Variants in STK35 observed in about 807,000 individuals in gnomAD.
STK35 encodes the protein serine/threonine-protein kinase 35.
Under a neutral mutation model 37.3 loss-of-function variants are expected in STK35, and 17 were observed. The observed-to-expected ratio is 0.46, with a 90% CI of 0.31 to 0.68. The LOEUF (loss-of-function observed/expected upper bound fraction) is 0.68, where lower values mean the gene tolerates loss of function less well. Ranked by LOEUF, STK35 falls within the 30% of genes least tolerant of loss-of-function variation. The probability of loss-of-function intolerance (pLI) is 0.05; values close to 1 mark genes in which losing one functional copy is unlikely to be tolerated. For missense variants in STK35, 595 were observed against 746.7 expected, an observed-to-expected ratio of 0.80 and a Z score of 2.37; for synonymous variants, 385 against 319.1, an observed-to-expected ratio of 1.21 and a Z score of -2.20.
intron 3 of STK35, among the ~76,000 whole-genome samples, chr20:2,143,145 C>T (rs760903881): frequency 2.0e-5 from 3 of 152,140 alleles, no homozygotes; most frequent in Admixed American, 6.5e-5. Context: ...CTCAGTTGCC[C>T]GTTCTGGCTC....
intron 3 of STK35, among the ~76,000 whole-genome samples, chr20:2,143,522 A>C (rs1389220603): frequency 2.0e-5 from 3 of 152,200 alleles, no homozygotes; most frequent in African/African-American, 7.2e-5. Flanking sequence ...TAGAGCCAGC[A>C]AGCTTGGGTT....
In STK35 at chr20:2,117,710, G is replaced by A. The variant is rs1052884836; in HGVS notation, c.*37+295G>A. 7.9e-5 allele frequency among the ~76,000 whole-genome samples: 12 copies of A among 152,296 alleles called. 1 individual carries two copies. In the East Asian group the frequency reaches 2.3e-3, roughly 29 times the overall value. ...TCTGCTGGTCTCAGCCTCCCAAAGT[G>A]CTGGGATTACAGTTGTGAGCCACCA... is the stretch of plus-strand genomic sequence containing the variant. On this transcript the variant is annotated intron_variant, in intron 3 of 3. Transcript: ENST00000381482. The surrounding 1 kb of genome is among the most constrained non-coding windows in gnomAD (Gnocchi z 4.4).
At chr20:2,126,838 A>G (rs974754825) in intron 3 of STK35, among the ~76,000 whole-genome samples, 1 of 152,250 alleles carries the variant, frequency 6.6e-6, no homozygotes, top group Non-Finnish European at 1.5e-5. Flanking sequence ...GGGGAAAGCT[A>G]TAACTCAGTT....
chr20:2,134,030 T>C (rs1007368641), intron 3 of STK35, among the ~76,000 whole-genome samples: 1 of 152,060 alleles, frequency 6.6e-6, no homozygotes, highest in African/African-American at 2.4e-5. Flanking sequence ...CTTGTATAAG[T>C]GGGGCGTGGA....
chr20:2,123,166 C>G (rs1179208277), intron 3 of STK35, among the ~76,000 whole-genome samples: 1 of 152,108 alleles, frequency 6.6e-6, no homozygotes, highest in Non-Finnish European at 1.5e-5. Flanking sequence ...CTTTTGAAGC[C>G]AAAGCCCTCG....
intron 3 of STK35, among the ~76,000 whole-genome samples, chr20:2,125,924 C>T (rs189462192): frequency 6.6e-6 from 1 of 152,346 alleles, no homozygotes; most frequent in East Asian, 1.9e-4. Context: ...TGTCATTAGG[C>T]CAGCGTCTGG....
intron 2 of STK35, among the ~76,000 whole-genome samples, chr20:2,107,166 A>G (rs1985531461): frequency 6.6e-6 from 1 of 152,212 alleles, no homozygotes; most frequent in Non-Finnish European, 1.5e-5. Context: ...GATTACTGCC[A>G]CTTAGACAGC....
chr20:2,141,322 A>T (rs1009257844), intron 3 of STK35, among the ~76,000 whole-genome samples: 1 of 152,218 alleles, frequency 6.6e-6, no homozygotes, highest in Non-Finnish European at 1.5e-5. Flanking sequence ...TTAACAGACC[A>T]AGGAACAGAA....
intron 2 of STK35, among the ~76,000 whole-genome samples, chr20:2,112,068 G>A (rs1158478915): frequency 6.6e-6 from 1 of 152,208 alleles, no homozygotes; most frequent in Non-Finnish European, 1.5e-5. Flanking sequence ...CCGCACCTCT[G>A]TCTCAAGAGC....
intron 2 of STK35, among the ~76,000 whole-genome samples, chr20:2,108,112 C>T (rs1439375118): frequency 6.6e-6 from 1 of 152,212 alleles, no homozygotes; most frequent in Non-Finnish European, 1.5e-5. Context: ...CTTGAGTATG[C>T]TTTCTTAACT....
At chr20:2,103,413 G>A in intron 2 of STK35, 48 bp downstream of exon 2, 1 of 1,560,546 alleles carries the variant, frequency 6.4e-7, no homozygotes, top group Non-Finnish European at 8.7e-7. Flanking sequence ...TGGACCCCCT[G>A]CTCTCCGGAC....
chr20:2,103,330 A>G lies in STK35; in HGVS notation c.857A>G (p.Gln286Arg), dbSNP rs764496347. ...QRMSHGNKSS[Q>R]LYLRLVETSL... ...ATGAGTCACGGCAACAAGAGCTCGCAGCTTTACCTGCGCCTGGTGGAGACC... is the reference window on the plus strand; with the variant it reads ...ATGAGTCACGGCAACAAGAGCTCGCGGCTTTACCTGCGCCTGGTGGAGACC... Residue 286 changes from glutamine (Q) to arginine (R), a missense_variant, in exon 2 of 4, where the codon CAG (glutamine) becomes CGG (arginine). Physicochemically the swap from Gln to Arg is conservative, Grantham distance 43. This residue lies in a region of STK35 where 97 missense variants were observed against 146.4 expected (regional missense o/e 0.66). Transcript: ENST00000381482. 6.2e-7 allele frequency: 1 copy of G among 1,612,622 alleles called. No homozygotes were observed. Among genetic ancestry groups the G allele is most frequent in the South Asian group, 1.1e-5 (1 of 91,026 alleles).
intron 3 of STK35, among the ~76,000 whole-genome samples, chr20:2,138,796 G>T (rs1301076341): frequency 6.6e-6 from 1 of 152,206 alleles, no homozygotes; most frequent in African/African-American, 2.4e-5. Flanking sequence ...AAGGCAGGAG[G>T]ATTGCATGAG....
At chr20:2,135,183 C>G (rs1986065463) in intron 3 of STK35, among the ~76,000 whole-genome samples, 1 of 152,202 alleles carries the variant, frequency 6.6e-6, no homozygotes, top group Non-Finnish European at 1.5e-5. Flanking sequence ...CTCCTGGGAG[C>G]ACATTCCTAT....
chr20:2,143,843 AGGT>A lies in STK35; in HGVS notation c.*103_*105del, dbSNP rs957164612. The A allele has an allele frequency of 1.6e-5, 7 of 432,346 alleles. No individual in the cohort carries two copies. Among genetic ancestry groups the A allele is most frequent in the Middle Eastern group, 3.4e-4 (1 of 2,946 alleles). 26.8% of individuals were successfully genotyped at this position (432,346 alleles called of 1,614,324 possible). On this transcript the variant is annotated 3_prime_UTR_variant, in exon 4 of 4. Coordinates refer to ENST00000381482, the MANE Select transcript of STK35 (RefSeq NM_080836.4). ...TCCTCCAGAGGACGGCAGAGGGTAC[AGGT>A]GGTGGCCTGGCCGGTTGGCGATCTC...
At chr20:2,109,858 G>T (rs1024323544) in intron 2 of STK35, among the ~76,000 whole-genome samples, 2 of 152,232 alleles carry the variant, frequency 1.3e-5, no homozygotes, top group African/African-American at 4.8e-5. Flanking sequence ...TGTAATTGGG[G>T]GATTGGGGGC....
chr20:2,113,528 C>A lies in STK35; in HGVS notation c.893-3138C>A, dbSNP rs572651729. Among the ~76,000 whole-genome samples, 58 of 152,252 alleles carry A rather than the reference C, an allele frequency of 3.8e-4. No homozygotes were observed. In the South Asian group the frequency reaches 0.011, roughly 28 times the overall value. Reference sequence around the variant, plus strand: ...GAGGGATCACTTCAAATAGGAATAGCCTGGTCTGCCTAGAACATGGGTTTC... The same window carrying A: ...GAGGGATCACTTCAAATAGGAATAGACTGGTCTGCCTAGAACATGGGTTTC... On this transcript the variant is annotated intron_variant, in intron 2 of 3. Coordinates refer to ENST00000381482, the MANE Select transcript of STK35 (RefSeq NM_080836.4).
intron 3 of STK35, among the ~76,000 whole-genome samples, chr20:2,139,890 C>T (rs963923971): frequency 2.1e-4 from 32 of 152,146 alleles, no homozygotes; most frequent in African/African-American, 7.7e-4. Context: ...GCACATTTTC[C>T]CAGATCACTG....
chr20:2,103,410 C>G (rs779004990), intron 2 of STK35, 45 bp downstream of exon 2: 4 of 1,566,238 alleles, frequency 2.6e-6, no homozygotes, highest in Middle Eastern at 1.8e-4. Context: ...GCCTGGACCC[C>G]CTGCTCTCCG....
Sources: allele counts gnomAD v4.1 joint callset (sites outside exome capture counted in the v4.1 genomes callset), GRCh38; gene constraint gnomAD v4.1.1; regional missense constraint gnomAD v4.1.1; non-coding constraint Gnocchi (gnomAD v3.1); transcripts MANE v1.5; gene names NCBI Gene and HGNC (gene_info 2026-07-23, HGNC 2026-07-21).